The following ROBO2 variants were observed in gnomAD, a reference collection of about 807,000 sequenced individuals.
ROBO2 encodes the protein roundabout homolog 2.
ROBO2 carries 53 observed loss-of-function variants against 160.8 expected under a neutral mutation model. The ratio of observed to expected loss-of-function variants is 0.33; its 90% CI spans 0.26 to 0.41. The LOEUF is 0.41. Ranked by LOEUF, ROBO2 falls within the 10% of genes least tolerant of loss-of-function variation. The probability of loss-of-function intolerance (pLI) is 1.00; values close to 1 mark genes in which losing one functional copy is unlikely to be tolerated. For synonymous variants in ROBO2, 664 were observed against 611.7 expected (o/e 1.09, Z -1.26); for missense variants, 1,577 against 1,722.4 (o/e 0.92, Z 1.49).
chr3:77,375,322 T>C (rs1041107474), intron 2 of ROBO2, among the ~76,000 whole-genome samples: 1 of 152,254 alleles, frequency 6.6e-6, no homozygotes, highest in African/African-American at 2.4e-5. Context: ...AATGTCTTTC[T>C]TTTCTCATTT....
intron 2 of ROBO2, among the ~76,000 whole-genome samples, chr3:76,097,313 C>G (rs1177506258): frequency 6.6e-6 from 1 of 152,040 alleles, no homozygotes; most frequent in Non-Finnish European, 1.5e-5. Context: ...ATCTCATAGC[C>G]TAGCACCTGA....
At chr3:77,293,797 G>A (rs1376735470) in intron 2 of ROBO2, among the ~76,000 whole-genome samples, 6 of 138,332 alleles carry the variant, frequency 4.3e-5, no homozygotes, top group Non-Finnish European at 6.1e-5. Context: ...ACGGGAAGTT[G>A]AGGCTAGAAC....
At chr3:77,486,706 G>T (rs1263106023) in intron 4 of ROBO2, among the ~76,000 whole-genome samples, 2 of 151,956 alleles carry the variant, frequency 1.3e-5, no homozygotes, top group Admixed American at 6.6e-5. Flanking sequence ...TTCTCCCGTT[G>T]TGTAGGTTGT....
At chr3:76,262,741 A>G (rs1203987071) in intron 2 of ROBO2, among the ~76,000 whole-genome samples, 1 of 152,106 alleles carries the variant, frequency 6.6e-6, no homozygotes, top group East Asian at 1.9e-4. Context: ...ACAAACTCAG[A>G]TGTTTCCAGG....
At chr3:77,301,309 T>C (rs913069114) in intron 2 of ROBO2, among the ~76,000 whole-genome samples, 2 of 152,144 alleles carry the variant, frequency 1.3e-5, no homozygotes, top group African/African-American at 4.8e-5. Flanking sequence ...ATTATCAGAA[T>C]AATTATTCTG....
At chr3:77,032,358 G>A (rs1261352448) in intron 2 of ROBO2, among the ~76,000 whole-genome samples, 1 of 152,084 alleles carries the variant, frequency 6.6e-6, no homozygotes, top group Non-Finnish European at 1.5e-5. Context: ...TAACTACTGT[G>A]AATTATGAGG....
chr3:77,391,698 A>G (rs2074751984), intron 2 of ROBO2, among the ~76,000 whole-genome samples: 1 of 152,090 alleles, frequency 6.6e-6, no homozygotes, highest in Admixed American at 6.6e-5. Context: ...AAGATGCCAT[A>G]CCTCATGAAA....
Position 76,099,881 on chromosome 3 carries a change from A to G in ROBO2, c.109+162279A>G, listed in dbSNP as rs190656771. 1.7e-3 allele frequency among the ~76,000 whole-genome samples: 264 copies of G among 152,306 alleles called. 1 individual carries two copies. The highest frequency in any genetic ancestry group is 5.0e-3 in the Admixed American group (76 of 15,298). ...TCTGTAGCCTTTTGGTCATGTTGCC[A>G]TGGATTCTCCACTTGATATATTGGC... is the stretch of plus-strand genomic sequence containing the variant. On this transcript the variant is annotated intron_variant, in intron 2 of 26. Transcript: ENST00000487694.
intron 2 of ROBO2, among the ~76,000 whole-genome samples, chr3:77,414,067 G>C (rs1378723009): frequency 6.6e-6 from 1 of 151,812 alleles, no homozygotes. Context: ...TAAGAAGATG[G>C]AGAGGACCCA....
chr3:76,585,610 T>C (rs2085984882), intron 2 of ROBO2, among the ~76,000 whole-genome samples: 1 of 152,170 alleles, frequency 6.6e-6, no homozygotes, highest in African/African-American at 2.4e-5. Flanking sequence ...TAATCCATGA[T>C]ATTCAACTAA....
chr3:76,196,365 G>A (rs1016876731), intron 2 of ROBO2, among the ~76,000 whole-genome samples: 8 of 152,060 alleles, frequency 5.3e-5, no homozygotes, highest in Admixed American at 5.2e-4. Flanking sequence ...TTTCCCCGAT[G>A]TATAGTCAGC....
chr3:77,289,377 C>A (rs538030652), intron 2 of ROBO2, among the ~76,000 whole-genome samples: 5 of 151,598 alleles, frequency 3.3e-5, no homozygotes, highest in Admixed American at 2.6e-4. Context: ...GACTAGATCA[C>A]CCCAGACATA....
chr3:76,868,048 T>G (rs1577132770), intron 2 of ROBO2, among the ~76,000 whole-genome samples: 2 of 152,314 alleles, frequency 1.3e-5, no homozygotes, highest in East Asian at 3.9e-4. Flanking sequence ...ACAACATTCA[T>G]TTGGCTCCAT....
chr3:76,704,022 A>T (rs2093104075), intron 2 of ROBO2, among the ~76,000 whole-genome samples: 1 of 151,820 alleles, frequency 6.6e-6, no homozygotes, highest in African/African-American at 2.4e-5. Context: ...TCTGATATGG[A>T]ATGGGCATCT....
chr3:76,948,908 A>ATATTTTTTTTT (rs1209284372), intron 2 of ROBO2, among the ~76,000 whole-genome samples: 4 of 24,966 alleles, frequency 1.6e-4, no homozygotes, highest in African/African-American at 7.4e-4. Context: ...ATATATATAT[A>ATATTTTTTTTT]TTTTTTTTTT....
intron 2 of ROBO2, among the ~76,000 whole-genome samples, chr3:76,723,751 A>G (rs2093502362): frequency 6.6e-6 from 1 of 152,132 alleles, no homozygotes; most frequent in African/African-American, 2.4e-5. Context: ...TTGCTTTCAT[A>G]CTGCTATCAA....
chr3:76,549,122 TA>T (rs1451606103), intron 2 of ROBO2, among the ~76,000 whole-genome samples: 1 of 152,158 alleles, frequency 6.6e-6, no homozygotes, highest in African/African-American at 2.4e-5. Flanking sequence ...GCGAGAAGAA[TA>T]TTTTTTACTG....
At chr3:77,107,782 A>G (rs1009481157) in intron 2 of ROBO2, among the ~76,000 whole-genome samples, 3 of 152,114 alleles carry the variant, frequency 2.0e-5, no homozygotes, top group Non-Finnish European at 2.9e-5. Context: ...CAAGCATCAC[A>G]TTTTTTGTGT....
intron 2 of ROBO2, among the ~76,000 whole-genome samples, chr3:76,287,044 C>A (rs1447151694): frequency 6.6e-6 from 1 of 152,142 alleles, no homozygotes; most frequent in Non-Finnish European, 1.5e-5. Context: ...AAACAAAGTC[C>A]TAGCTAAGCA....
Sources: gnomAD v4.1 joint callset for allele counts (sites outside exome capture counted in the v4.1 genomes callset) on GRCh38, gnomAD v4.1.1 for gene constraint, MANE v1.5 for transcripts, NCBI Gene and HGNC (gene_info 2026-07-23, HGNC 2026-07-21) for gene names.